The following AFG1L variants were observed in gnomAD, a reference collection of about 807,000 sequenced individuals.
The protein encoded by AFG1L is AFG1 like ATPase.
A neutral mutation model predicts 62.2 loss-of-function variants in AFG1L; 53 were observed. That is an observed-to-expected ratio of 0.85 (90% CI 0.68 to 1.07). The LOEUF (loss-of-function observed/expected upper bound fraction) is 1.07. Among genes scored for constraint, AFG1L ranks in the 50% least tolerant of loss-of-function variants. The pLI, the probability that AFG1L is intolerant of heterozygous loss-of-function variation, is 0.00. For missense variants in AFG1L, 555 were observed against 590.5 expected (o/e 0.94, Z 0.62); for synonymous variants, 228 against 210.3 (o/e 1.08, Z -0.73).
At chr6:108,438,217 A>C (rs1479743909) in intron 7 of AFG1L, among the ~76,000 whole-genome samples, 1 of 152,232 alleles carries the variant, frequency 6.6e-6, no homozygotes, top group South Asian at 2.1e-4. Context: ...AACAAAATTC[A>C]ACAGACTGGA....
chr6:108,341,767 TC>T (rs1219528857), intron 2 of AFG1L, among the ~76,000 whole-genome samples: 5 of 152,032 alleles, frequency 3.3e-5, no homozygotes, highest in Admixed American at 3.3e-4. Context: ...TGTCACTGGA[TC>T]CTCATCAAAA....
intron 7 of AFG1L, among the ~76,000 whole-genome samples, chr6:108,415,949 C>T (rs2114673274): frequency 6.6e-6 from 1 of 152,288 alleles, no homozygotes; most frequent in Non-Finnish European, 1.5e-5. Flanking sequence ...AGAGCTTCTG[C>T]ACAGCAAAAG....
rs372712302 is a variant in AFG1L, at chr6:108,389,721, C to G, written c.749-12275C>G. ...AATATTGGCCCCCACTCTCCTCTGG[C>G]TTGTAGAATTTCTGCCGAGAGATCC... On this transcript the variant is annotated intron_variant, in intron 6 of 12. Coordinates refer to ENST00000368977, the MANE Select transcript of AFG1L (RefSeq NM_145315.5). Among the ~76,000 whole-genome samples the G allele has an allele frequency of 2.0e-4, 31 of 152,320 alleles. No individual in the cohort carries two copies. In the East Asian group the frequency reaches 5.0e-3, roughly 25 times the overall value.
intron 1 of AFG1L, among the ~76,000 whole-genome samples, chr6:108,300,412 A>G (rs374840610): frequency 2.0e-5 from 3 of 151,972 alleles, no homozygotes; most frequent in South Asian, 2.1e-4. Context: ...TTGGACCCCC[A>G]AAGTGCAGGG....
Position 108,519,682 on chromosome 6 carries a change from TTTC to T in AFG1L, c.1204-10_1204-8del, listed in dbSNP as rs1175111911. 2.2e-6 allele frequency: 3 copies of T among 1,380,414 alleles called. No individual in the cohort carries two copies. The highest frequency in any genetic ancestry group is 2.3e-5 in the East Asian group (1 of 43,726). 85.5% of individuals were successfully genotyped at this position (1,380,414 alleles called of 1,614,324 possible). ...TGTAAAGAGTAACACATTTACCCAT[TTTC>T]TTCTATTTCAGGTGCGTATAATTTG... On this transcript the variant is annotated splice_polypyrimidine_tract_variant and intron_variant, in intron 11 of 12. Coordinates refer to ENST00000368977, the MANE Select transcript of AFG1L (RefSeq NM_145315.5).
At chr6:108,414,070 TA>T (rs2114667416) in intron 7 of AFG1L, among the ~76,000 whole-genome samples, 1 of 151,906 alleles carries the variant, frequency 6.6e-6, no homozygotes, top group Admixed American at 6.6e-5. Flanking sequence ...ATAGACACAA[TA>T]AAAAATGATA....
intron 2 of AFG1L, among the ~76,000 whole-genome samples, chr6:108,339,458 A>ATTTT (rs538205129): frequency 7.6e-6 from 1 of 132,426 alleles, no homozygotes; most frequent in Non-Finnish European, 1.6e-5. Flanking sequence ...AATTCTTTAA[A>ATTTT]TTTTTTTTTT....
intron 7 of AFG1L, among the ~76,000 whole-genome samples, chr6:108,410,353 C>T (rs1469639386): frequency 2.0e-5 from 3 of 151,520 alleles, no homozygotes; most frequent in Non-Finnish European, 2.9e-5. Flanking sequence ...TGAACCTGAA[C>T]CTGAAGGATT....
At chr6:108,391,333 T>A (rs1781049532) in intron 6 of AFG1L, among the ~76,000 whole-genome samples, 1 of 152,148 alleles carries the variant, frequency 6.6e-6, no homozygotes, top group Non-Finnish European at 1.5e-5. Context: ...CTTGCAGGAG[T>A]AAGGTGGTAT....
At chr6:108,389,784 G>T (rs973519810) in intron 6 of AFG1L, among the ~76,000 whole-genome samples, 1 of 152,130 alleles carries the variant, frequency 6.6e-6, no homozygotes, top group African/African-American at 2.4e-5. Context: ...TGGGTAACCC[G>T]ACCTTTCTCT....
chr6:108,521,816 A>G (rs1050042085), intron 12 of AFG1L: 2 of 153,078 alleles, frequency 1.3e-5, no homozygotes, highest in Non-Finnish European at 2.9e-5. Flanking sequence ...GACTAAAAAC[A>G]GCCCTGCCTT....
chr6:108,508,556 T>G (rs988627264), intron 10 of AFG1L, among the ~76,000 whole-genome samples: 2 of 152,186 alleles, frequency 1.3e-5, no homozygotes, highest in Non-Finnish European at 2.9e-5. Flanking sequence ...CTTGGTGCTC[T>G]TTGTCTCTGG....
At chr6:108,371,122 C>T (rs1474586821) in intron 6 of AFG1L, among the ~76,000 whole-genome samples, 4 of 152,132 alleles carry the variant, frequency 2.6e-5, no homozygotes, top group African/African-American at 9.7e-5. Context: ...CTCTGTACAC[C>T]ATGCAGCTGT....
chr6:108,447,249 A>G lies in AFG1L; in HGVS notation c.843A>G (p.Ile281Met). The G allele has an allele frequency of 6.2e-7, 1 of 1,608,414 alleles. No individual in the cohort carries two copies. The highest frequency in any genetic ancestry group is 8.5e-7 in the Non-Finnish European group (1 of 1,175,072). The change falls in exon 8 of 13, where the codon ATA becomes ATG. Residue 281 changes from isoleucine (I) to methionine (M), a missense_variant. Ile to Met is a conservative substitution (Grantham distance 10, BLOSUM62 1). Transcript: ENST00000368977. ...ATACAGTCCAGCTAGATTCTGGGAT[A>G]GATTACCGGAAAAGGGAACTTCCTG... ...YCNTVQLDSGIDYRKRELPAA... is the reference protein window; with the variant it reads ...YCNTVQLDSGMDYRKRELPAA...
intron 2 of AFG1L, among the ~76,000 whole-genome samples, chr6:108,342,840 C>T (rs1338634549): frequency 1.3e-5 from 2 of 152,038 alleles, no homozygotes; most frequent in African/African-American, 4.8e-5. Flanking sequence ...CCGTCTTATA[C>T]AGTATTCATG....
rs1771554225 is a variant in AFG1L at position 108,441,708 on chromosome 6, A to ATATATATATATAT, written c.808-5506_808-5505insTATATATATATAT. Among the ~76,000 whole-genome samples, 3 of 124,886 alleles carry ATATATATATATAT rather than the reference A, an allele frequency of 2.4e-5. No individual in the cohort carries two copies. The South Asian group carries it at 9.0e-4, about 37-fold the overall frequency. 81.9% of individuals were successfully genotyped at this position (124,886 alleles called of 152,430 possible). On this transcript the variant is annotated intron_variant, in intron 7 of 12. Coordinates refer to ENST00000368977, the MANE Select transcript of AFG1L (RefSeq NM_145315.5). Reference sequence around the variant, plus strand: ...GAAAATCTGAGGTTTATTTAAAAAAAAAAAATATATATATATATATATAAA... The same window carrying ATATATATATATAT: ...GAAAATCTGAGGTTTATTTAAAAAAATATATATATATATAAAAATATATATATATATATATAAA...
At chr6:108,493,892 A>G (rs988836929) in intron 10 of AFG1L, among the ~76,000 whole-genome samples, 1 of 152,130 alleles carries the variant, frequency 6.6e-6, no homozygotes. Context: ...GCTGGAGTGC[A>G]GTGGCATGAT....
intron 6 of AFG1L, among the ~76,000 whole-genome samples, chr6:108,389,303 C>G (rs1183625482): frequency 1.3e-5 from 2 of 152,158 alleles, no homozygotes; most frequent in African/African-American, 4.8e-5. Context: ...CTGAATACAG[C>G]ACACTGATGG....
At chr6:108,383,219 C>T (rs998417972) in intron 6 of AFG1L, among the ~76,000 whole-genome samples, 5 of 151,898 alleles carry the variant, frequency 3.3e-5, no homozygotes, top group East Asian at 1.9e-4. Context: ...GGCAACAGAG[C>T]GAGTCTGTCT....
Sources: allele counts gnomAD v4.1 joint callset (sites outside exome capture counted in the v4.1 genomes callset), GRCh38; gene constraint gnomAD v4.1.1; transcripts MANE v1.5; gene names NCBI Gene and HGNC (gene_info 2026-07-23, HGNC 2026-07-21).